Variants in DMRT1 observed in about 807,000 individuals in gnomAD.
DMRT1 encodes doublesex and mab-3 related transcription factor 1.
In DMRT1, 7 loss-of-function variants were observed where a neutral mutation model predicts 32.3. That is an observed-to-expected ratio of 0.22 (90% CI 0.12 to 0.41). The LOEUF (loss-of-function observed/expected upper bound fraction) is 0.41. Among genes scored for constraint, DMRT1 ranks in the 10% least tolerant of loss-of-function variants. The probability of loss-of-function intolerance (pLI) is 1.00; values close to 1 mark genes in which losing one functional copy is unlikely to be tolerated. For synonymous variants in DMRT1, 278 were observed against 206.1 expected (o/e 1.35, Z -2.99); for missense variants, 625 against 500.5 (o/e 1.25, Z -2.37).
chr9:872,163 G>C lies in DMRT1; in HGVS notation c.539-21749G>C, dbSNP rs377710575. Among the ~76,000 whole-genome samples the C allele has an allele frequency of 4.0e-5, 6 of 151,324 alleles. No individual in the cohort carries two copies. The South Asian group carries it at 1.2e-3, about 31-fold the overall frequency. ...TGCAACCTCTGCCTCCCAGGTTCAAGGGATTCTCCTGCCTGAGCCTCCCGA... is the reference window on the plus strand; with the variant it reads ...TGCAACCTCTGCCTCCCAGGTTCAACGGATTCTCCTGCCTGAGCCTCCCGA... On this transcript the variant is annotated intron_variant, in intron 2 of 4. Coordinates refer to ENST00000382276, the MANE Select transcript of DMRT1 (RefSeq NM_021951.3).
intron 4 of DMRT1, among the ~76,000 whole-genome samples, chr9:929,900 G>A (rs1315162939): frequency 2.0e-5 from 3 of 152,104 alleles, no homozygotes; most frequent in Admixed American, 2.0e-4. Context: ...ATGAGAGAAG[G>A]CGTGGCTGCA....
intron 2 of DMRT1, among the ~76,000 whole-genome samples, chr9:875,482 T>C (rs1816458264): frequency 6.6e-6 from 1 of 152,232 alleles, no homozygotes; most frequent in Non-Finnish European, 1.5e-5. Flanking sequence ...TTGAGAGGTA[T>C]CAAGACCTTG....
chr9:851,595 G>A (rs1352977951), intron 2 of DMRT1, among the ~76,000 whole-genome samples: 2 of 152,060 alleles, frequency 1.3e-5, no homozygotes, highest in Non-Finnish European at 2.9e-5. Flanking sequence ...CTCCCAAAAG[G>A]GCCAAAAGTG....
At position 931,313 on chromosome 9, in the gene DMRT1, A is replaced by G. The variant is rs1045214902; in HGVS notation, c.967+14406A>G. ...TAAACCACAAGATTACCAAAGTGAA[A>G]TATCTATTCTGTCTCATTTTATTAA... On this transcript the variant is annotated intron_variant, in intron 4 of 4. Transcript: ENST00000382276. 3.9e-5 allele frequency among the ~76,000 whole-genome samples: 6 copies of G among 152,364 alleles called. No homozygotes were observed. In the East Asian group the frequency reaches 1.2e-3, roughly 29 times the overall value.
At chr9:877,582 A>G (rs1309979559) in intron 2 of DMRT1, among the ~76,000 whole-genome samples, 1 of 152,224 alleles carries the variant, frequency 6.6e-6, no homozygotes, top group Non-Finnish European at 1.5e-5. Context: ...CATTTCAGTC[A>G]CTAATTTGAA....
At chr9:935,011 G>A (rs1329888270) in intron 4 of DMRT1, among the ~76,000 whole-genome samples, 3 of 152,104 alleles carry the variant, frequency 2.0e-5, no homozygotes, top group African/African-American at 4.8e-5. Context: ...TGAAATAAAG[G>A]CATATAGGGT....
At chr9:871,272 C>T (rs935418862) in intron 2 of DMRT1, among the ~76,000 whole-genome samples, 1 of 151,582 alleles carries the variant, frequency 6.6e-6, no homozygotes, top group Non-Finnish European at 1.5e-5. Flanking sequence ...GAGCAATTCT[C>T]CACCTTGGCC....
chr9:876,049 G>A (rs1247535983), intron 2 of DMRT1, among the ~76,000 whole-genome samples: 1 of 152,186 alleles, frequency 6.6e-6, no homozygotes, highest in East Asian at 1.9e-4. Context: ...ATGCTTTGCT[G>A]CACCCTTTTA....
At chr9:905,809 CTG>C (rs751396615) in intron 3 of DMRT1, among the ~76,000 whole-genome samples, 38 of 152,066 alleles carry the variant, frequency 2.5e-4, no homozygotes, top group Non-Finnish European at 4.7e-4. Context: ...GATGAGGAAA[CTG>C]GGGCTCAGGG....
chr9:904,805 G>A (rs536665783), intron 3 of DMRT1, among the ~76,000 whole-genome samples: 11 of 152,278 alleles, frequency 7.2e-5, no homozygotes, highest in African/African-American at 2.4e-4. Context: ...TTAGCTGGGC[G>A]TGGAGGCAGG....
At chr9:878,615 G>A (rs1816607924) in intron 2 of DMRT1, among the ~76,000 whole-genome samples, 2 of 152,120 alleles carry the variant, frequency 1.3e-5, no homozygotes, top group Admixed American at 1.3e-4. Flanking sequence ...GGGAAGCCTG[G>A]CCAGGTGCAG....
intron 1 of DMRT1, among the ~76,000 whole-genome samples, chr9:846,204 A>G (rs1352960363): frequency 6.7e-6 from 1 of 150,092 alleles, no homozygotes; most frequent in Non-Finnish European, 1.5e-5. Flanking sequence ...TAATTTTTGT[A>G]TTTTTTTTAG....
chr9:878,443 C>T (rs569235019), intron 2 of DMRT1, among the ~76,000 whole-genome samples: 4 of 152,154 alleles, frequency 2.6e-5, no homozygotes, highest in South Asian at 2.1e-4. Flanking sequence ...TTGTGTTTGA[C>T]GTTTAAAATA....
At chr9:961,896 C>G (rs1308194791) in intron 4 of DMRT1, among the ~76,000 whole-genome samples, 1 of 152,168 alleles carries the variant, frequency 6.6e-6, no homozygotes, top group African/African-American at 2.4e-5. Context: ...TTATTACCCC[C>G]TTTTCACAGA....
chr9:873,463 G>A (rs1451966513), intron 2 of DMRT1, among the ~76,000 whole-genome samples: 1 of 151,910 alleles, frequency 6.6e-6, no homozygotes, highest in South Asian at 2.1e-4. Context: ...CTGCCACCAC[G>A]CCCAGCTAAT....
chr9:902,137 T>G (rs1282682364), intron 3 of DMRT1, among the ~76,000 whole-genome samples: 1 of 151,546 alleles, frequency 6.6e-6, no homozygotes, highest in Non-Finnish European at 1.5e-5. Flanking sequence ...CTCAAACTCC[T>G]GACCTCAGGT....
intron 1 of DMRT1, chr9:842,427 G>A (rs1838728808): frequency 3.4e-6 from 2 of 579,834 alleles, no homozygotes; most frequent in East Asian, 3.1e-5. Flanking sequence ...TAGAGACGGG[G>A]GTTTCACCAT....
intron 2 of DMRT1, among the ~76,000 whole-genome samples, chr9:860,157 C>T (rs1815591603): frequency 6.6e-6 from 1 of 151,994 alleles, no homozygotes; most frequent in South Asian, 2.1e-4. Context: ...ATTAGCCGGG[C>T]GTGGTGGCGC....
intron 2 of DMRT1, among the ~76,000 whole-genome samples, chr9:855,077 G>A (rs1322128649): frequency 6.6e-6 from 1 of 151,730 alleles, no homozygotes; most frequent in Non-Finnish European, 1.5e-5. Context: ...AGGGACTGAT[G>A]GCTTTGATAG....
Sources: allele counts gnomAD v4.1 joint callset (sites outside exome capture counted in the v4.1 genomes callset), GRCh38; gene constraint gnomAD v4.1.1; transcripts MANE v1.5; gene names NCBI Gene and HGNC (gene_info 2026-07-23, HGNC 2026-07-21).